The following KMT2C variants were observed in gnomAD, a reference collection of about 807,000 sequenced individuals.
The protein encoded by KMT2C is histone-lysine N-methyltransferase 2C.
A neutral mutation model predicts 507.9 loss-of-function variants in KMT2C; 88 were observed. That is an observed-to-expected ratio of 0.17 (90% CI 0.15 to 0.21). The LOEUF (loss-of-function observed/expected upper bound fraction) is 0.21. Among genes scored for constraint, KMT2C ranks in the 10% least tolerant of loss-of-function variants. The pLI, the probability that KMT2C is intolerant of heterozygous loss-of-function variation, is 1.00. For synonymous variants in KMT2C, 2,049 were observed against 2,080.8 expected (o/e 0.98, Z 0.42); for missense variants, 4,954 against 5,957.8 (o/e 0.83, Z 5.55).
intron 3 of KMT2C, among the ~76,000 whole-genome samples, chr7:152,324,458 A>C (rs902964137): frequency 3.9e-5 from 6 of 151,946 alleles, no homozygotes; most frequent in African/African-American, 1.4e-4. Context: ...CCAATCAAAA[A>C]TAACATTCAA....
At chr7:152,322,191 C>T (rs773909219) in intron 3 of KMT2C, among the ~76,000 whole-genome samples, 5 of 151,702 alleles carry the variant, frequency 3.3e-5, no homozygotes, top group Non-Finnish European at 7.4e-5. Context: ...GGTGAAACCC[C>T]GTCTCTACTA....
intron 3 of KMT2C, among the ~76,000 whole-genome samples, chr7:152,318,399 G>A (rs541827818): frequency 8.7e-4 from 132 of 151,864 alleles, no homozygotes; most frequent in African/African-American, 2.9e-3. Flanking sequence ...AGGTCAGTTC[G>A]AAATCACTCT....
At chr7:152,305,266 A>C (rs998590489) in intron 6 of KMT2C, among the ~76,000 whole-genome samples, 4 of 152,220 alleles carry the variant, frequency 2.6e-5, no homozygotes, top group Non-Finnish European at 5.9e-5. Context: ...CGAAAAAGAA[A>C]ACAAAAAAGC....
rs893257742 is a variant in KMT2C at position 152,147,723 on chromosome 7, AAAAAAG to A, written c.13894+304_13894+309del. On this transcript the variant is annotated intron_variant, in intron 52 of 58. Transcript: ENST00000262189. The stretch of plus-strand genomic sequence containing the variant: ...ACTCCGTCTCAAAAAAAAAAAAAAA[AAAAAAG>A]AAAAAGAAAAAGAAAAAGGAGGTCC... Among the ~76,000 whole-genome samples the A allele has an allele frequency of 3.4e-3, 454 of 133,766 alleles. 2 individuals carry two copies. Among genetic ancestry groups the A allele is most frequent in the East Asian group, 0.018 (71 of 3,950 alleles). 87.8% of individuals were successfully genotyped at this position (133,766 alleles called of 152,430 possible).
chr7:152,297,043 A>AAGAC (rs2096512135), intron 6 of KMT2C, among the ~76,000 whole-genome samples: 1 of 83,404 alleles, frequency 1.2e-5, no homozygotes, highest in African/African-American at 5.0e-5. Flanking sequence ...GAAAGAAAGA[A>AAGAC]AGAAAGAAAG....
Position 152,248,340 on chromosome 7 carries a change from G to T in KMT2C, c.2094C>A (p.Thr698=), listed in dbSNP as rs144477034. 18 of 1,613,726 alleles carry T rather than the reference G, an allele frequency of 1.1e-5. No homozygotes were observed. Among genetic ancestry groups the T allele is most frequent in the Non-Finnish European group, 1.4e-5 (17 of 1,179,860 alleles). The stretch of plus-strand genomic sequence containing the variant: ...TACTTTCCTCATGTGGGGACACTAA[G>T]GTTTCTAGTGGAAGAGTGACAGATT... ...VMESVTLPLE[T]LVSPHEESIS... is the part of the protein sequence containing the mutation. Residue 698 remains threonine (T), a synonymous_variant, in exon 14 of 59, where the codon ACC becomes ACA. Coordinates refer to ENST00000262189, the MANE Select transcript of KMT2C (RefSeq NM_170606.3).
chr7:152,367,666 A>G (rs1457536231), intron 1 of KMT2C: 31 of 1,429,472 alleles, frequency 2.2e-5, no homozygotes, highest in African/African-American at 2.8e-5. Flanking sequence ...GGTGGTGTTC[A>G]GTTGCTGCTC....
At chr7:152,250,830 G>A (rs1443525010) in intron 12 of KMT2C, 23 bp downstream of exon 12, 3 of 1,219,772 alleles carry the variant, frequency 2.5e-6, no homozygotes, top group East Asian at 2.3e-5. Context: ...CAAAAACAGA[G>A]TATATCCATT....
chr7:152,189,167 C>T (rs962161428), intron 31 of KMT2C, among the ~76,000 whole-genome samples: 2 of 152,158 alleles, frequency 1.3e-5, no homozygotes, highest in African/African-American at 4.8e-5. Context: ...TACAACACTC[C>T]TTTAAGCATG....
At chr7:152,401,415 G>T (rs565613316) in intron 1 of KMT2C, among the ~76,000 whole-genome samples, 1 of 151,692 alleles carries the variant, frequency 6.6e-6, no homozygotes, top group South Asian at 2.1e-4. Context: ...TACCGGCCAG[G>T]TGCAGTGGCT....
intron 1 of KMT2C, among the ~76,000 whole-genome samples, chr7:152,384,558 C>CCACT (rs2097403939): frequency 6.3e-5 from 5 of 78,946 alleles, no homozygotes; most frequent in Non-Finnish European, 1.0e-4. Context: ...ACACCACCAC[C>CCACT]ACCACCACCA....
At chr7:152,137,000 A>C in intron 58 of KMT2C, 76 bp from the exon 59 acceptor site, 1 of 1,117,612 alleles carries the variant, frequency 8.9e-7, no homozygotes, top group Non-Finnish European at 1.3e-6. Flanking sequence ...TCTCCCTTGC[A>C]TTTTAAAACC....
chr7:152,150,724 T>G (rs1009338207), intron 51 of KMT2C, among the ~76,000 whole-genome samples, 176 bp downstream of exon 51: 3 of 151,932 alleles, frequency 2.0e-5, no homozygotes, highest in Admixed American at 6.6e-5. Flanking sequence ...GTTGAAAGAG[T>G]AGCACGACTC....
rs1360154115 is a variant in KMT2C, at chr7:152,156,445, G to A, written c.11671-99C>T. On this transcript the variant is annotated intron_variant, in intron 44 of 58. Coordinates refer to ENST00000262189, the MANE Select transcript of KMT2C (RefSeq NM_170606.3). ...GTGAATTTTTTGCACATAGAAGCAA[G>A]GCTACAGAAATGTAATCAAGATGTA... The A allele has an allele frequency of 9.7e-6, 14 of 1,443,150 alleles. 1 individual carries two copies. Among genetic ancestry groups the A allele is most frequent in the South Asian group, 2.7e-5 (2 of 73,882 alleles). 89.4% of individuals were successfully genotyped at this position (1,443,150 alleles called of 1,614,324 possible). A position where few individuals can be genotyped will look rare whatever the true frequency, so the allele number is the denominator to read the frequency against.
rs573250095 is a variant in KMT2C at position 152,163,134 on chromosome 7, C to A, written c.10443G>T (p.Gln3481His). 1 of 1,614,200 alleles carries A rather than the reference C, an allele frequency of 6.2e-7. No individual in the cohort carries two copies. The highest frequency in any genetic ancestry group is 1.7e-5 in the Admixed American group (1 of 60,028). ...GTTGTATATTCTGCTGCTGTAAAAC[C>A]TGCCCCATTTGCTGTTGGTGTTGTG... is the stretch of plus-strand genomic sequence containing the variant. ...QSPQHQQQMGQVLQQQNIQQG... is the reference protein window; with the variant it reads ...QSPQHQQQMGHVLQQQNIQQG... Residue 3481 changes from glutamine to histidine, a missense_variant, in exon 43 of 59, where the codon CAG becomes CAT. Gln to His is a conservative substitution (Grantham distance 24). Coordinates refer to ENST00000262189, the MANE Select transcript of KMT2C (RefSeq NM_170606.3).
At chr7:152,189,513 T>TA (rs953449355) in intron 31 of KMT2C, among the ~76,000 whole-genome samples, 9 of 151,306 alleles carry the variant, frequency 5.9e-5, no homozygotes, top group Admixed American at 2.6e-4. Flanking sequence ...TCCATTAGAT[T>TA]AAAAAAAAAG....
chr7:152,394,810 A>T (rs1271419619), intron 1 of KMT2C, among the ~76,000 whole-genome samples: 6 of 152,226 alleles, frequency 3.9e-5, no homozygotes, highest in Admixed American at 6.5e-5. Context: ...TATTTAAGTG[A>T]ATTAATTTAG....
chr7:152,293,744 T>A (rs2096458630), intron 6 of KMT2C, among the ~76,000 whole-genome samples: 1 of 152,250 alleles, frequency 6.6e-6, no homozygotes. Context: ...AAAATTTAAC[T>A]GTTTTTAAAT....
intron 2 of KMT2C, among the ~76,000 whole-genome samples, chr7:152,356,040 G>A (rs972647639): frequency 1.3e-5 from 2 of 152,092 alleles, no homozygotes; most frequent in East Asian, 1.9e-4. Flanking sequence ...GAAGACACAA[G>A]CAGAGGAGCT....
Sources: gnomAD v4.1 joint callset for allele counts (sites outside exome capture counted in the v4.1 genomes callset) on GRCh38, gnomAD v4.1.1 for gene constraint, MANE v1.5 for transcripts, NCBI Gene and HGNC (gene_info 2026-07-23, HGNC 2026-07-21) for gene names.